SLC17A5: variants seen among roughly 807,000 people sequenced by gnomAD.
SLC17A5 encodes sialin.
In SLC17A5, 47 loss-of-function variants were observed where a neutral mutation model predicts 59.4. That is an observed-to-expected ratio of 0.79 (90% CI 0.63 to 1.01). The LOEUF (loss-of-function observed/expected upper bound fraction) is 1.01, where lower values mean the gene tolerates loss of function less well. Among genes scored for constraint, SLC17A5 ranks in the 50% least tolerant of loss-of-function variants. SLC17A5 has a pLI of 0.00. For synonymous variants in SLC17A5, 202 were observed against 210.7 expected (o/e 0.96, Z 0.36); for missense variants, 522 against 595.5 (o/e 0.88, Z 1.28).
rs1453121812 is a variant in SLC17A5 at position 73,613,659 on chromosome 6, G to C, written c.1111+1656C>G. 3.9e-5 allele frequency among the ~76,000 whole-genome samples: 6 copies of C among 152,168 alleles called. No homozygotes were observed. In the East Asian group the frequency reaches 1.2e-3, roughly 29 times the overall value. ...TTACAGGCATAAGCCACTGCGCCCA[G>C]TGAATATTATAAATCTTAATCCTCA... On this transcript the variant is annotated intron_variant, in intron 8 of 10. Coordinates refer to ENST00000355773, the MANE Select transcript of SLC17A5 (RefSeq NM_012434.5).
chr6:73,644,636 T>C, intron 1 of SLC17A5, 33 bp from the exon 2 acceptor site: 2 of 1,561,078 alleles, frequency 1.3e-6, no homozygotes, highest in Non-Finnish European at 1.7e-6. Flanking sequence ...TTTTTATTTA[T>C]TTTTAAATTT....
intron 6 of SLC17A5, among the ~76,000 whole-genome samples, chr6:73,626,553 G>GT (rs1204295113): frequency 3.3e-5 from 5 of 152,122 alleles, no homozygotes; most frequent in Admixed American, 3.3e-4. Context: ...AACTATCCGC[G>GT]TATCTAGCAG....
intron 10 of SLC17A5, among the ~76,000 whole-genome samples, chr6:73,599,551 G>C (rs1766963577): frequency 6.6e-6 from 1 of 152,218 alleles, no homozygotes. Context: ...CTTAGGTTCT[G>C]GTGTTGCCAC....
intron 8 of SLC17A5, among the ~76,000 whole-genome samples, chr6:73,611,883 A>C (rs1767653329): frequency 6.6e-6 from 1 of 152,124 alleles, no homozygotes; most frequent in Non-Finnish European, 1.5e-5. Context: ...GTCAGGCTGG[A>C]GTGCAGTGGT....
Position 73,603,740 on chromosome 6 carries a change from TA to T in SLC17A5, c.1260-3300del, listed in dbSNP as rs1767264795. Among the ~76,000 whole-genome samples the T allele has an allele frequency of 4.6e-5, 7 of 152,006 alleles. 1 individual carries two copies. In the South Asian group the frequency reaches 1.5e-3, roughly 32 times the overall value. On this transcript the variant is annotated intron_variant, in intron 9 of 10. Coordinates refer to ENST00000355773, the MANE Select transcript of SLC17A5 (RefSeq NM_012434.5). ...TGGCCTAAAATTGCTGTCCCTTTAC[TA>T]GGATGTTTGTCCTGTATATATTCAT...
Position 73,621,905 on chromosome 6 carries a change from C to A in SLC17A5, c.877G>T (p.Ala293Ser). 2 of 1,613,930 alleles carry A rather than the reference C, an allele frequency of 1.2e-6. No individual in the cohort carries two copies. Among genetic ancestry groups the A allele is most frequent in the East Asian group, 2.2e-5 (1 of 44,844 alleles). Reference protein sequence around the residue: ...VPILKSLPLWAIVVAHFSYNW... With the variant: ...VPILKSLPLWSIVVAHFSYNW... ...TAAGAAAAGTGTGCAACTACGATAG[C>A]CCAAAGTGGCAGGGATTTTAAAATG... Residue 293 changes from alanine (A) to serine (S), a missense_variant, in exon 7 of 11, where the codon GCT becomes TCT. Coordinates refer to ENST00000355773, the MANE Select transcript of SLC17A5 (RefSeq NM_012434.5).
At chr6:73,602,548 G>A (rs1425605186) in intron 9 of SLC17A5, among the ~76,000 whole-genome samples, 1 of 152,202 alleles carries the variant, frequency 6.6e-6, no homozygotes, top group Non-Finnish European at 1.5e-5. Flanking sequence ...GCCGAGGCGG[G>A]TGGATCACGA....
At chr6:73,635,267 A>T (rs1485746484) in intron 6 of SLC17A5, 115 bp downstream of exon 6, 2 of 657,308 alleles carry the variant, frequency 3.0e-6, no homozygotes, top group Non-Finnish European at 5.4e-6. Context: ...TCATTTGCCT[A>T]TTCTACTTTG....
At chr6:73,597,102 A>T (rs1253152267) in intron 10 of SLC17A5, among the ~76,000 whole-genome samples, 1 of 151,778 alleles carries the variant, frequency 6.6e-6, no homozygotes, top group Non-Finnish European at 1.5e-5. Context: ...CGGAGGTTGC[A>T]GTGAGCTGAG....
intron 1 of SLC17A5, among the ~76,000 whole-genome samples, chr6:73,649,675 T>G (rs2150124678): frequency 6.6e-6 from 1 of 152,302 alleles, no homozygotes; most frequent in South Asian, 2.1e-4. Flanking sequence ...TGAATTAGGG[T>G]TATTATAAGG....
chr6:73,651,905 T>C (rs1769889267), intron 1 of SLC17A5, among the ~76,000 whole-genome samples: 1 of 152,156 alleles, frequency 6.6e-6, no homozygotes, highest in South Asian at 2.1e-4. Context: ...ATAATTGAAA[T>C]ATTTACATAT....
chr6:73,620,376 T>C (rs1036301579), intron 7 of SLC17A5, among the ~76,000 whole-genome samples: 3 of 152,190 alleles, frequency 2.0e-5, no homozygotes, highest in South Asian at 2.1e-4. Flanking sequence ...CACTTTATAG[T>C]TGAAATGTAG....
intron 6 of SLC17A5, among the ~76,000 whole-genome samples, chr6:73,624,105 T>C (rs1768286598): frequency 6.6e-6 from 1 of 152,098 alleles, no homozygotes; most frequent in Admixed American, 6.6e-5. Context: ...TTAAATATTA[T>C]TATATCAACA....
At chr6:73,635,076 T>A (rs1033372598) in intron 6 of SLC17A5, among the ~76,000 whole-genome samples, 6 of 152,122 alleles carry the variant, frequency 3.9e-5, no homozygotes, top group Non-Finnish European at 5.9e-5. Context: ...ACTTTGTTCA[T>A]ATTTATGTAT....
At chr6:73,653,685 T>G in intron 1 of SLC17A5, 108 bp downstream of exon 1, 6 of 1,209,924 alleles carry the variant, frequency 5.0e-6, no homozygotes, top group Non-Finnish European at 7.0e-6. Context: ...CCTGAGCAGC[T>G]CCGGTCCCGC....
intron 8 of SLC17A5, among the ~76,000 whole-genome samples, chr6:73,611,106 G>T (rs912359166): frequency 1.3e-5 from 2 of 152,082 alleles, no homozygotes; most frequent in Non-Finnish European, 2.9e-5. Flanking sequence ...AATTCGCCAG[G>T]CATGGTGGTG....
intron 1 of SLC17A5, chr6:73,653,511 C>G: frequency 4.1e-6 from 4 of 964,140 alleles, no homozygotes; most frequent in South Asian, 9.6e-5. Flanking sequence ...CCCGCCCCCG[C>G]CCCCGCCCCC....
At chr6:73,650,090 G>A (rs1769773463) in intron 1 of SLC17A5, among the ~76,000 whole-genome samples, 1 of 151,892 alleles carries the variant, frequency 6.6e-6, no homozygotes, top group African/African-American at 2.4e-5. Context: ...GCTGGGTGCT[G>A]TGGCTCACGC....
chr6:73,603,616 C>T (rs1047336368), intron 9 of SLC17A5, among the ~76,000 whole-genome samples: 1 of 150,678 alleles, frequency 6.6e-6, no homozygotes, highest in African/African-American at 2.4e-5. Flanking sequence ...AACGGGGTTT[C>T]ACCACGTTGG....
Sources: gnomAD v4.1 joint callset for allele counts (sites outside exome capture counted in the v4.1 genomes callset) on GRCh38, gnomAD v4.1.1 for gene constraint, MANE v1.5 for transcripts, NCBI Gene and HGNC (gene_info 2026-07-23, HGNC 2026-07-21) for gene names.